Variants in MACROD2 observed in about 807,000 individuals in gnomAD.
MACROD2 encodes the protein ADP-ribose glycohydrolase MACROD2.
In MACROD2, 36 loss-of-function variants were observed where a neutral mutation model predicts 70.4. The ratio of observed to expected loss-of-function variants is 0.51; its 90% confidence interval spans 0.39 to 0.68. The LOEUF (loss-of-function observed/expected upper bound fraction) is 0.68, where lower values mean the gene tolerates loss of function less well. MACROD2 is among the 30% of genes least tolerant of loss of function. The pLI, the probability that MACROD2 is intolerant of heterozygous loss-of-function variation, is 0.00. For synonymous variants in MACROD2, 172 were observed against 178.8 expected, an observed-to-expected ratio of 0.96 and a Z score of 0.30; for missense variants, 496 against 538.4, an observed-to-expected ratio of 0.92 and a Z score of 0.78.
chr20:14,223,117 TGGGC>T (rs1277527712), intron 3 of MACROD2: 1 of 152,302 alleles, frequency 6.6e-6, no homozygotes, highest in African/African-American at 2.4e-5. Flanking sequence ...CCAGAAGTTC[TGGGC>T]TGTAGTGTGC....
At chr20:14,858,005 G>C (rs977869280) in intron 5 of MACROD2, among the ~76,000 whole-genome samples, 3 of 152,068 alleles carry the variant, frequency 2.0e-5, no homozygotes, top group Non-Finnish European at 4.4e-5. Context: ...ATTTTTAGTA[G>C]AGACTGGGTT....
At chr20:14,965,802 G>A (rs531491293) in intron 5 of MACROD2, among the ~76,000 whole-genome samples, 160 of 152,044 alleles carry the variant, frequency 1.1e-3, no homozygotes, top group Middle Eastern at 6.8e-3. Context: ...TCATAGAGGT[G>A]ATAAATTTTA....
intron 4 of MACROD2, among the ~76,000 whole-genome samples, chr20:14,566,006 T>G (rs1979776700): frequency 6.6e-6 from 1 of 151,974 alleles, no homozygotes; most frequent in Non-Finnish European, 1.5e-5. Flanking sequence ...TCACTCAAAG[T>G]TAAAAGCCTT....
At chr20:14,434,150 A>T (rs564248847) in intron 3 of MACROD2, among the ~76,000 whole-genome samples, 21 of 152,322 alleles carry the variant, frequency 1.4e-4, no homozygotes, top group Admixed American at 1.4e-3. Flanking sequence ...TAGCTGAAAG[A>T]TATGAAACTT....
intron 6 of MACROD2, among the ~76,000 whole-genome samples, chr20:15,299,691 T>G (rs2077623928): frequency 6.6e-6 from 1 of 152,228 alleles, no homozygotes; most frequent in Admixed American, 6.5e-5. Context: ...TGCCTACTGA[T>G]GCTTTATGTA....
intron 6 of MACROD2, among the ~76,000 whole-genome samples, chr20:15,395,780 G>C (rs991310092): frequency 1.3e-5 from 2 of 152,166 alleles, no homozygotes; most frequent in African/African-American, 4.8e-5. Context: ...AATGTTTCTG[G>C]AAACAAGGCA....
chr20:15,210,886 A>G (rs1312659111), intron 5 of MACROD2, among the ~76,000 whole-genome samples: 1 of 152,168 alleles, frequency 6.6e-6, no homozygotes, highest in Non-Finnish European at 1.5e-5. Flanking sequence ...CTGTGAAGCC[A>G]TGAGCCAATT....
chr20:15,298,861 T>C (rs919502789), intron 6 of MACROD2, among the ~76,000 whole-genome samples: 1 of 152,140 alleles, frequency 6.6e-6, no homozygotes, highest in African/African-American at 2.4e-5. Flanking sequence ...AATCTCTCAA[T>C]GTATTATTAT....
intron 8 of MACROD2, among the ~76,000 whole-genome samples, chr20:15,792,921 C>T (rs939439627): frequency 1.3e-5 from 2 of 152,086 alleles, no homozygotes; most frequent in African/African-American, 4.8e-5. Flanking sequence ...ACATAACGGA[C>T]CTGGCTGAAC....
intron 3 of MACROD2, among the ~76,000 whole-genome samples, chr20:14,401,030 T>C (rs2083632348): frequency 6.6e-6 from 1 of 152,170 alleles, no homozygotes; most frequent in South Asian, 2.1e-4. Flanking sequence ...ACCGACTTGG[T>C]TGAAGTGGCT....
At chr20:15,195,301 T>G (rs1428367940) in intron 5 of MACROD2, among the ~76,000 whole-genome samples, 1 of 152,180 alleles carries the variant, frequency 6.6e-6, no homozygotes, top group Non-Finnish European at 1.5e-5. Flanking sequence ...ACAGACAACC[T>G]GCAGAATGGA....
At position 15,900,948 on chromosome 20, in the gene MACROD2, T is replaced by C. The variant is rs115529035; in HGVS notation, c.775+15137T>C. Among the ~76,000 whole-genome samples, 742 of 152,244 alleles carry C rather than the reference T, an allele frequency of 4.9e-3. 7 individuals carry two copies. The highest frequency in any genetic ancestry group is 0.017 in the African/African-American group (709 of 41,540). On this transcript the variant is annotated intron_variant, in intron 10 of 17. Coordinates refer to ENST00000684519, the MANE Select transcript of MACROD2 (RefSeq NM_001351661.2). ...TGATTTATGGAAAACACCGGGCACA[T>C]TGAGTAGACAGAAGAGCTGGTCAGT...
intron 8 of MACROD2, among the ~76,000 whole-genome samples, chr20:15,820,205 G>T (rs2063924476): frequency 6.6e-6 from 1 of 152,010 alleles, no homozygotes; most frequent in African/African-American, 2.4e-5. Context: ...GGAGTAGGGG[G>T]TGGGGGCGAG....
chr20:15,335,680 C>G (rs2078040639), intron 6 of MACROD2, among the ~76,000 whole-genome samples: 1 of 151,638 alleles, frequency 6.6e-6, no homozygotes, highest in South Asian at 2.1e-4. Context: ...ATTTCAGATA[C>G]CCTGCATCAT....
intron 5 of MACROD2, among the ~76,000 whole-genome samples, chr20:15,135,951 C>T (rs1056040863): frequency 3.3e-5 from 5 of 151,366 alleles, no homozygotes; most frequent in Non-Finnish European, 7.4e-5. Flanking sequence ...TGAGTGAACT[C>T]CCATTCACAA....
intron 8 of MACROD2, among the ~76,000 whole-genome samples, chr20:15,830,498 C>T (rs2064043483): frequency 6.6e-6 from 1 of 152,168 alleles, no homozygotes; most frequent in African/African-American, 2.4e-5. Flanking sequence ...CACTAAATCC[C>T]ATAGGTCAAG....
chr20:15,918,870 A>G (rs2065359361), intron 10 of MACROD2, among the ~76,000 whole-genome samples: 1 of 152,092 alleles, frequency 6.6e-6, no homozygotes, highest in East Asian at 1.9e-4. Context: ...GGCTCTGCAT[A>G]TTAAATGACT....
intron 3 of MACROD2, among the ~76,000 whole-genome samples, chr20:14,275,809 T>A (rs2082248815): frequency 6.6e-6 from 1 of 151,864 alleles, no homozygotes; most frequent in Non-Finnish European, 1.5e-5. Context: ...CATCAACAAG[T>A]GGGCGAAGGA....
At chr20:15,885,594 TCTTAA>T (rs1276475879) in intron 9 of MACROD2, among the ~76,000 whole-genome samples, 165 bp from the exon 10 acceptor site, 1 of 152,166 alleles carries the variant, frequency 6.6e-6, no homozygotes, top group Non-Finnish European at 1.5e-5. Flanking sequence ...TATACTTTCT[TCTTAA>T]CTTAGCATGA....
Sources: gnomAD v4.1 joint callset for allele counts (sites outside exome capture counted in the v4.1 genomes callset) on GRCh38, gnomAD v4.1.1 for gene constraint, MANE v1.5 for transcripts, NCBI Gene and HGNC (gene_info 2026-07-23, HGNC 2026-07-21) for gene names.